Variants in CKAP2L observed in about 807,000 individuals in gnomAD.
The protein encoded by CKAP2L is cytoskeleton associated protein 2L.
In CKAP2L, 42 loss-of-function variants were observed where a neutral mutation model predicts 65.7. The observed-to-expected ratio is 0.64, with a 90% CI of 0.50 to 0.83. The LOEUF is 0.83. Among genes scored for constraint, CKAP2L ranks in the 40% least tolerant of loss-of-function variants. The pLI is 0.00. For missense variants in CKAP2L, 908 were observed against 871.0 expected, an observed-to-expected ratio of 1.04 and a Z score of -0.53; for synonymous variants, 325 against 313.5, an observed-to-expected ratio of 1.04 and a Z score of -0.39.
At chr2:112,758,805 C>T (rs1680623667) in intron 3 of CKAP2L, among the ~76,000 whole-genome samples, 1 of 152,142 alleles carries the variant, frequency 6.6e-6, no homozygotes, top group African/African-American at 2.4e-5. Context: ...AGTATAGCCA[C>T]ACTATTATAC....
At chr2:112,755,771 C>T (rs749547651) in intron 4 of CKAP2L, among the ~76,000 whole-genome samples, 7 of 151,790 alleles carry the variant, frequency 4.6e-5, no homozygotes, top group Non-Finnish European at 8.8e-5. Context: ...CATACGATTA[C>T]AGAAAATGAT....
chr2:112,755,720 G>A (rs1680511166), intron 4 of CKAP2L, among the ~76,000 whole-genome samples: 1 of 149,524 alleles, frequency 6.7e-6, no homozygotes, highest in Admixed American at 6.7e-5. Flanking sequence ...CATCCATTCT[G>A]TTTCAATTTC....
At position 112,736,782 on chromosome 2, in the gene CKAP2L, AG is replaced by A. The variant is rs1229003583; in HGVS notation, c.*2040del. 1 of 152,190 alleles carries A rather than the reference AG, an allele frequency of 6.6e-6. No homozygotes were observed. The highest frequency in any genetic ancestry group is 1.9e-4 in the East Asian group (1 of 5,192). The allele number at this position is 152,190 out of a possible 1,614,324, so 9.4% of individuals were successfully genotyped here. On this transcript the variant is annotated 3_prime_UTR_variant, in exon 9 of 9. Transcript: ENST00000302450. Reference sequence around the variant, plus strand: ...AATGGCAAGAACTCCCTCTTTTCCAAGGATGAATACTATTCCACGGCATGCA... The same window carrying A: ...AATGGCAAGAACTCCCTCTTTTCCAAGATGAATACTATTCCACGGCATGCA...
Position 112,752,302 on chromosome 2 carries a change from T to C in CKAP2L, c.1567A>G (p.Asn523Asp), listed in dbSNP as rs372343930. 2.5e-6 allele frequency: 4 copies of C among 1,613,882 alleles called. No homozygotes were observed. In the African/African-American group the frequency reaches 5.3e-5, roughly 22 times the overall value. ...AQLELSSKIN[N>D]TLTECLNLIE... ...AGGTTCAGACATTCTGTCAGAGTGT[T>C]GTTAATTTTACTGGACAGTTCGAGT... Residue 523 changes from asparagine (N) to aspartate (D), a missense_variant, in exon 5 of 9, where the codon AAC (asparagine) becomes GAC (aspartate). Asn to Asp is a conservative substitution (Grantham distance 23). Coordinates refer to ENST00000302450, the MANE Select transcript of CKAP2L (RefSeq NM_152515.5).
chr2:112,764,161 A>T (rs971251603), intron 1 of CKAP2L: 4 of 240,932 alleles, frequency 1.7e-5, no homozygotes, highest in Non-Finnish European at 2.5e-5. Context: ...GGCTTCGGCC[A>T]GACCCCGCCT....
Position 112,756,434 on chromosome 2 carries a change from G to T in CKAP2L, c.937C>A (p.Pro313Thr). 6.2e-7 allele frequency: 1 copy of T among 1,613,826 alleles called. No homozygotes were observed. Among genetic ancestry groups the T allele is most frequent in the Non-Finnish European group, 8.5e-7 (1 of 1,179,872 alleles). Reference protein sequence around the residue: ...IKVNRSQYERPNETKIRSYPV... With the variant: ...IKVNRSQYERTNETKIRSYPV... Reference sequence around the variant, plus strand: ...TATGACCGTATCTTAGTTTCATTTGGTCTTTCATATTGACTCCTATTAACC... The same window carrying T: ...TATGACCGTATCTTAGTTTCATTTGTTCTTTCATATTGACTCCTATTAACC... Residue 313 changes from proline to threonine, a missense_variant, in exon 4 of 9, where the codon CCA (proline) becomes ACA (threonine). By Grantham distance (38) the Pro-to-Thr change is conservative (BLOSUM62 -1). Transcript: ENST00000302450.
At chr2:112,745,487 C>A (rs1181051276) in intron 6 of CKAP2L, among the ~76,000 whole-genome samples, 4 of 151,670 alleles carry the variant, frequency 2.6e-5, no homozygotes, top group African/African-American at 9.7e-5. Context: ...TCATGCCATT[C>A]TCCTGCCTCA....
intron 5 of CKAP2L, 27 bp downstream of exon 5, chr2:112,752,240 C>G: frequency 6.4e-7 from 1 of 1,551,488 alleles, no homozygotes; most frequent in Non-Finnish European, 8.8e-7. Context: ...TGGGCCAAAG[C>G]TGGAGGAGCT....
chr2:112,760,926 T>C (rs1292898115), intron 2 of CKAP2L, among the ~76,000 whole-genome samples, 162 bp from the exon 3 acceptor site: 1 of 152,170 alleles, frequency 6.6e-6, no homozygotes, highest in Non-Finnish European at 1.5e-5. Context: ...CTTATCATCA[T>C]TTCTTTAGTT....
chr2:112,761,612 G>A (rs964781370), intron 2 of CKAP2L, among the ~76,000 whole-genome samples: 2 of 149,944 alleles, frequency 1.3e-5, no homozygotes, highest in Non-Finnish European at 3.0e-5. Flanking sequence ...GCAGAAAAAG[G>A]ATTGGAAAAC....
intron 8 of CKAP2L, among the ~76,000 whole-genome samples, chr2:112,740,004 G>A (rs1467128696): frequency 6.6e-6 from 1 of 152,138 alleles, no homozygotes; most frequent in African/African-American, 2.4e-5. Flanking sequence ...GCCCAGGCTG[G>A]AGTGCAATGG....
In CKAP2L at chr2:112,752,282, CAGA is replaced by C. The variant is rs1680393998; in HGVS notation, c.1584_1586del (p.Cys528_Leu529delinsTrp). 6.2e-7 allele frequency: 1 copy of C among 1,612,958 alleles called. No individual in the cohort carries two copies. Among genetic ancestry groups the C allele is most frequent in the African/African-American group, 1.3e-5 (1 of 74,904 alleles). ...CTTCACTTACCCCTTCGATGAGGTTCAGACATTCTGTCAGAGTGTTGTTAATTT... is the reference window on the plus strand; with the variant it reads ...CTTCACTTACCCCTTCGATGAGGTTCCATTCTGTCAGAGTGTTGTTAATTT... On this transcript the variant is annotated inframe_deletion, in exon 5 of 9. Transcript: ENST00000302450.
rs57634251 is a variant in CKAP2L at position 112,741,940 on chromosome 2, GTT to G, written c.1822+764_1822+765del. ...CACAACTGGCTAATTTTTCTTTTCT[GTT>G]TTTTTTTTTTTTTTTTTTTTTTTTT... On this transcript the variant is annotated intron_variant, in intron 7 of 8. Transcript: ENST00000302450. 9.7e-3 allele frequency among the ~76,000 whole-genome samples: 700 copies of G among 71,904 alleles called. 9 individuals are homozygous for G. The highest frequency in any genetic ancestry group is 0.033 in the African/African-American group (595 of 17,976). 47.2% of individuals were successfully genotyped at this position (71,904 alleles called of 152,430 possible).
rs144642601 is a variant in CKAP2L, at chr2:112,738,767, T to A, written c.*56A>T. 722 of 1,194,792 alleles carry A rather than the reference T, an allele frequency of 6.0e-4. 8 individuals are homozygous for A. The East Asian group carries it at 0.014, about 22-fold the overall frequency. 74.0% of individuals were successfully genotyped at this position (1,194,792 alleles called of 1,614,324 possible). ...TTTTTCCAGGTCACTTGGACAAGAA[T>A]ATTTCTTGTCTTATGTTGGTTCTGA... On this transcript the variant is annotated 3_prime_UTR_variant, in exon 9 of 9. Transcript: ENST00000302450.
At position 112,737,947 on chromosome 2, in the gene CKAP2L, G is replaced by C. The variant is rs1404625388; in HGVS notation, c.*876C>G. The C allele has an allele frequency of 6.6e-6, 1 of 151,500 alleles. No homozygotes were observed. The highest frequency in any genetic ancestry group is 2.5e-5 in the African/African-American group (1 of 40,814). The allele number at this position is 151,500 out of a possible 1,614,324, so 9.4% of individuals were successfully genotyped here. A position where few individuals can be genotyped will look rare whatever the true frequency, so the allele number is the denominator to read the frequency against. ...GCTAAAATTTAAAATGTGTTGACTAGGTTTTTCTACACAATTATATTTACA... is the reference window on the plus strand; with the variant it reads ...GCTAAAATTTAAAATGTGTTGACTACGTTTTTCTACACAATTATATTTACA... On this transcript the variant is annotated 3_prime_UTR_variant, in exon 9 of 9. Coordinates refer to ENST00000302450, the MANE Select transcript of CKAP2L (RefSeq NM_152515.5).
chr2:112,753,554 G>A (rs7599690), intron 4 of CKAP2L, among the ~76,000 whole-genome samples: 56,518 of 121,752 alleles, frequency 0.46, 13,788 homozygotes, highest in East Asian at 0.73. Flanking sequence ...TTTTGAGACA[G>A]TTTTGCTCTG....
At chr2:112,757,806 T>C (rs191236712) in intron 3 of CKAP2L, among the ~76,000 whole-genome samples, 1 of 152,322 alleles carries the variant, frequency 6.6e-6, no homozygotes, top group East Asian at 1.9e-4. Context: ...AAAAATGAAT[T>C]TGCCTCAAAC....
chr2:112,739,257 C>T (rs1679671942), intron 8 of CKAP2L, among the ~76,000 whole-genome samples: 1 of 151,868 alleles, frequency 6.6e-6, no homozygotes, highest in African/African-American at 2.4e-5. Context: ...CTATCTTTAC[C>T]AAAAAATATA....
intron 3 of CKAP2L, among the ~76,000 whole-genome samples, chr2:112,757,481 C>A (rs544823327): frequency 6.7e-6 from 1 of 149,346 alleles, no homozygotes; most frequent in Non-Finnish European, 1.5e-5. Flanking sequence ...CCTCTGCCTC[C>A]TGGGTTGAAG....
Sources: allele counts gnomAD v4.1 joint callset (sites outside exome capture counted in the v4.1 genomes callset), GRCh38; gene constraint gnomAD v4.1.1; transcripts MANE v1.5; gene names NCBI Gene and HGNC (gene_info 2026-07-23, HGNC 2026-07-21).